DENND1A: variants seen among roughly 807,000 people sequenced by gnomAD.
DENND1A encodes the protein DENN domain containing 1A.
Under a neutral mutation model 113.7 loss-of-function variants are expected in DENND1A, and 51 were observed. The observed-to-expected ratio is 0.45, with a 90% CI of 0.36 to 0.57. The LOEUF is 0.57. Ranked by LOEUF, DENND1A falls within the 20% of genes least tolerant of loss-of-function variation. DENND1A has a pLI of 0.00. For synonymous variants in DENND1A, 565 were observed against 570.8 expected (o/e 0.99, Z 0.14); for missense variants, 1,258 against 1,395.9 (o/e 0.90, Z 1.57).
intron 2 of DENND1A, among the ~76,000 whole-genome samples, chr9:123,869,253 G>C (rs1243914749): frequency 6.6e-6 from 1 of 152,134 alleles, no homozygotes; most frequent in Non-Finnish European, 1.5e-5. Context: ...ATGTATGCCA[G>C]GCACTCTTCT....
intron 2 of DENND1A, among the ~76,000 whole-genome samples, chr9:123,815,634 G>A (rs1036187101): frequency 6.6e-6 from 1 of 152,092 alleles, no homozygotes; most frequent in African/African-American, 2.4e-5. Context: ...AGCTGAGAAA[G>A]GAAGGGGTAA....
At chr9:123,858,639 T>C (rs754870600) in intron 2 of DENND1A, among the ~76,000 whole-genome samples, 7 of 152,044 alleles carry the variant, frequency 4.6e-5, no homozygotes, top group Non-Finnish European at 8.8e-5. Flanking sequence ...GAGATGCCCA[T>C]GTAGGATGGA....
At chr9:123,501,257 A>C (rs1419135443) in intron 13 of DENND1A, among the ~76,000 whole-genome samples, 3 of 152,226 alleles carry the variant, frequency 2.0e-5, no homozygotes, top group Admixed American at 6.5e-5. Context: ...TCCATGGTGT[A>C]GCATGTGTCA....
In DENND1A at chr9:123,631,864, A is replaced by G. The variant is rs1294505589; in HGVS notation, c.619-1388T>C. Among the ~76,000 whole-genome samples, 5 of 151,892 alleles carry G rather than the reference A, an allele frequency of 3.3e-5. No individual in the cohort carries two copies. The East Asian group carries it at 9.6e-4, about 29-fold the overall frequency. ...GGATACAATTGCTACAAAATTCAAT[A>G]TAGTGAAAAGAAAGGGAAAAAAAAC... On this transcript the variant is annotated intron_variant, in intron 9 of 23. Transcript: ENST00000394215.
At chr9:123,574,724 A>C (rs952381502) in intron 12 of DENND1A, among the ~76,000 whole-genome samples, 2 of 152,122 alleles carry the variant, frequency 1.3e-5, no homozygotes, top group Non-Finnish European at 1.5e-5. Flanking sequence ...ACTTATCACT[A>C]GAGAGAGAAA....
At position 123,381,347 on chromosome 9, in the gene DENND1A, G is replaced by C. The variant is rs1386131068; in HGVS notation, c.*85C>G. ...CCTTCCCACCAGCAGAACCTGGGCA[G>C]AGAGAGAGTGGCGGGGGAGCCTCGG... On this transcript the variant is annotated 3_prime_UTR_variant, in exon 24 of 24. Transcript: ENST00000394215. The surrounding 1 kb of genome is among the most constrained non-coding windows in gnomAD (Gnocchi z 4.7). 1 of 1,351,702 alleles carries C rather than the reference G, an allele frequency of 7.4e-7. No individual in the cohort carries two copies. Among genetic ancestry groups the C allele is most frequent in the East Asian group, 2.4e-5 (1 of 42,380 alleles). 83.7% of individuals were successfully genotyped at this position (1,351,702 alleles called of 1,614,324 possible).
chr9:123,415,135 A>G (rs2131616097), intron 19 of DENND1A, among the ~76,000 whole-genome samples: 1 of 152,300 alleles, frequency 6.6e-6, no homozygotes, highest in East Asian at 1.9e-4. Flanking sequence ...TAAAGATGCC[A>G]AGAAAGAGTA....
chr9:123,833,287 TC>T (rs1365676969), intron 2 of DENND1A, among the ~76,000 whole-genome samples: 4 of 152,148 alleles, frequency 2.6e-5, no homozygotes, highest in Non-Finnish European at 5.9e-5. Context: ...TTTGTGATAA[TC>T]CATCAAACTG....
chr9:123,585,916 T>C (rs1283356656), intron 11 of DENND1A, among the ~76,000 whole-genome samples: 6 of 152,122 alleles, frequency 3.9e-5, no homozygotes, highest in Non-Finnish European at 4.4e-5. Flanking sequence ...GGCCACACAG[T>C]AGGATGTAAT....
intron 1 of DENND1A, among the ~76,000 whole-genome samples, chr9:123,885,872 C>T (rs185559301): frequency 2.7e-3 from 418 of 152,272 alleles, no homozygotes; most frequent in African/African-American, 9.7e-3. Flanking sequence ...CTCCGCCTCC[C>T]GGGTTCAAGT....
intron 1 of DENND1A, among the ~76,000 whole-genome samples, chr9:123,888,728 G>T (rs1221909261): frequency 6.6e-6 from 1 of 152,314 alleles, no homozygotes; most frequent in Middle Eastern, 3.4e-3. Flanking sequence ...AAACTAAAGA[G>T]AAATGACAAC....
At chr9:123,683,058 G>T (rs1017911511) in intron 5 of DENND1A, among the ~76,000 whole-genome samples, 3 of 152,072 alleles carry the variant, frequency 2.0e-5, no homozygotes, top group African/African-American at 7.2e-5. Context: ...GTTTCACCTA[G>T]CATCTATCCC....
intron 13 of DENND1A, among the ~76,000 whole-genome samples, chr9:123,506,402 T>G (rs771207798): frequency 1.3e-5 from 2 of 151,936 alleles, no homozygotes; most frequent in Middle Eastern, 6.8e-3. Flanking sequence ...GGCAACATGG[T>G]GAAACCTTGT....
chr9:123,866,227 A>G (rs542794480), intron 2 of DENND1A, among the ~76,000 whole-genome samples: 12 of 152,324 alleles, frequency 7.9e-5, no homozygotes, highest in Non-Finnish European at 1.6e-4. Flanking sequence ...TTGTTTTAAT[A>G]CATTTCTAAT....
chr9:123,743,969 G>C (rs1329536783), intron 5 of DENND1A, among the ~76,000 whole-genome samples: 1 of 152,046 alleles, frequency 6.6e-6, no homozygotes, highest in East Asian at 1.9e-4. Context: ...ACACACATTA[G>C]AGTATCAGTT....
chr9:123,452,029 TCTC>T (rs2047753994), intron 17 of DENND1A, among the ~76,000 whole-genome samples: 1 of 37,166 alleles, frequency 2.7e-5, no homozygotes, highest in Non-Finnish European at 7.3e-5. Context: ...GAGACCTGTC[TCTC>T]CAAAAAAAAA....
At chr9:123,819,249 C>G (rs530931843) in intron 2 of DENND1A, among the ~76,000 whole-genome samples, 1 of 152,146 alleles carries the variant, frequency 6.6e-6, no homozygotes, top group African/African-American at 2.4e-5. Flanking sequence ...CAAACACATG[C>G]ACACACACAA....
intron 21 of DENND1A, chr9:123,401,140 C>T (rs986374217): frequency 2.0e-5 from 3 of 153,220 alleles, no homozygotes; most frequent in Non-Finnish European, 4.4e-5. Flanking sequence ...TCTCCCAATA[C>T]AATGCCGACA....
At chr9:123,823,663 C>A (rs549071212) in intron 2 of DENND1A, among the ~76,000 whole-genome samples, 2 of 152,226 alleles carry the variant, frequency 1.3e-5, no homozygotes, top group South Asian at 4.1e-4. Flanking sequence ...TGGAATTAGG[C>A]AAAATGAAAT....
Sources: gnomAD v4.1 joint callset for allele counts (sites outside exome capture counted in the v4.1 genomes callset) on GRCh38, gnomAD v4.1.1 for gene constraint, Gnocchi (gnomAD v3.1) non-coding constraint, MANE v1.5 for transcripts, NCBI Gene and HGNC (gene_info 2026-07-23, HGNC 2026-07-21) for gene names.